HOOK2: variants seen among roughly 807,000 people sequenced by gnomAD.
The protein encoded by HOOK2 is protein Hook homolog 2.
HOOK2 carries 108 observed loss-of-function variants against 111.9 expected under a neutral mutation model. That is an observed-to-expected ratio of 0.96 (90% confidence interval 0.83 to 1.13). The LOEUF is 1.13. Ranked by LOEUF, HOOK2 falls within the 50% of genes most tolerant of loss-of-function variation. HOOK2 has a pLI of 0.00. For synonymous variants in HOOK2, 405 were observed against 394.3 expected, an observed-to-expected ratio of 1.03 and a Z score of -0.32; for missense variants, 978 against 951.3, an observed-to-expected ratio of 1.03 and a Z score of -0.37.
chr19:12,781,176 G>A (rs112771072), upstream of HOOK2, among the ~76,000 whole-genome samples: 2 of 141,410 alleles, frequency 1.4e-5, no homozygotes, highest in Non-Finnish European at 3.1e-5. Context: ...GGTGGCGGGC[G>A]CCTGTGGTCC....
Position 12,769,937 on chromosome 19 carries a change from C to A in HOOK2, c.1048G>T (p.Asp350Tyr). Residue 350 changes from aspartate to tyrosine, a missense_variant, in exon 11 of 23, where the codon GAT becomes TAT. Asp to Tyr is a radical substitution (Grantham distance 160). Around this residue, in one of 5 missense-constraint regions of HOOK2, gnomAD observed 388 missense variants for 358.3 expected, o/e 1.08. Transcript: ENST00000397668. ...GHAERTRQLE[D>Y]ELRRAGSLRA... Reference sequence around the variant, plus strand: ...AGGGAGCCCGCTCGGCGTAGCTCATCCTCCAGTTGTCGCGTGCGCTCGGCG... The same window carrying A: ...AGGGAGCCCGCTCGGCGTAGCTCATACTCCAGTTGTCGCGTGCGCTCGGCG... 6.4e-7 allele frequency: 1 copy of A among 1,557,962 alleles called. No homozygotes were observed.
rs1410593520 is a variant in HOOK2, at chr19:12,790,139, G to C, written n.42-15914C>G. ...GGCACCGCGGGCGGAACCATTGCTT[G>C]AGGGGAGAGGATGGTGGCTGGAGGC... On this transcript the variant is annotated intron_variant and non_coding_transcript_variant, in intron 3 of 3. Transcript: ENST00000589765. This position sits in a 1 kb window ranked among gnomAD's most constrained non-coding sequence, Gnocchi z 7.2. Among the ~76,000 whole-genome samples the C allele has an allele frequency of 6.6e-6, 1 of 152,164 alleles. No individual in the cohort carries two copies. The highest frequency in any genetic ancestry group is 2.4e-5 in the African/African-American group (1 of 41,440).
upstream of HOOK2, among the ~76,000 whole-genome samples, chr19:12,775,928 G>A (rs1411848138): frequency 5.5e-4 from 77 of 139,242 alleles, 1 homozygote; most frequent in African/African-American, 1.8e-3. Context: ...CCAGGCTGGA[G>A]TGCAGTGGCG....
At chr19:12,772,542 CA>C (rs1968368172) in intron 6 of HOOK2, 70 bp downstream of exon 6, 2 of 1,521,008 alleles carry the variant, frequency 1.3e-6, no homozygotes, top group South Asian at 2.3e-5. Flanking sequence ...GACCTGTGCC[CA>C]GTTCTCTCTG....
Position 12,772,794 on chromosome 19 carries a change from C to A in HOOK2, c.374G>T (p.Cys125Phe), listed in dbSNP as rs759326945. The A allele has an allele frequency of 4.3e-6, 7 of 1,614,174 alleles. No individual in the cohort carries two copies. The Admixed American group carries it at 8.3e-5, about 19-fold the overall frequency. Residue 125 changes from cysteine to phenylalanine, a missense_variant, in exon 5 of 23, where the codon TGC becomes TTC. By Grantham distance (205) the Cys-to-Phe change is radical (BLOSUM62 -2). Coordinates refer to ENST00000397668, the MANE Select transcript of HOOK2 (RefSeq NM_013312.3). ...LQLVLGCAIS[C>F]EKKQDHIQRI... Reference sequence around the variant, plus strand: ...GCTCCCCATACCCTGCTTTTTCTCGCAACTGATGGCACAGCCCAGCACCAG... The same window carrying A: ...GCTCCCCATACCCTGCTTTTTCTCGAAACTGATGGCACAGCCCAGCACCAG...
At chr19:12,779,625 G>A (rs1968576976), upstream of HOOK2, among the ~76,000 whole-genome samples, 1 of 152,156 alleles carries the variant, frequency 6.6e-6, no homozygotes, top group Non-Finnish European at 1.5e-5. Flanking sequence ...TAAAGTGCTG[G>A]GATTTCAGGC....
intron 22 of HOOK2, 27 bp downstream of exon 22, chr19:12,763,501 A>G: frequency 6.2e-7 from 1 of 1,614,016 alleles, no homozygotes; most frequent in South Asian, 1.1e-5. Flanking sequence ...TACCCATGAG[A>G]TCTTAGAGCC....
chr19:12,780,333 G>C (rs1181770045), upstream of HOOK2, among the ~76,000 whole-genome samples: 1 of 152,020 alleles, frequency 6.6e-6, no homozygotes, highest in East Asian at 1.9e-4. Context: ...ACCTCACTTT[G>C]GGTCTATATC....
Position 12,769,909 on chromosome 19 carries a change from C to G in HOOK2, c.1076G>C (p.Arg359Pro). The part of the protein sequence containing the change: ...EDELRRAGSL[R>P]AQLEAQRRQV... ...CCGCCGCTGCGCCTCCAGCTGGGCG[C>G]GCAGGGAGCCCGCTCGGCGTAGCTC... The change falls in exon 11 of 23, where the codon CGC (arginine) becomes CCC (proline). Residue 359 changes from arginine to proline, a missense_variant. By Grantham distance (103) the Arg-to-Pro change is moderately radical. Coordinates refer to ENST00000397668, the MANE Select transcript of HOOK2 (RefSeq NM_013312.3). 6.6e-7 allele frequency: 1 copy of G among 1,516,580 alleles called. No individual in the cohort carries two copies. The highest frequency in any genetic ancestry group is 1.2e-5 in the South Asian group (1 of 81,288). 93.9% of individuals were successfully genotyped at this position (1,516,580 alleles called of 1,614,324 possible).
chr19:12,771,699 G>A, intron 7 of HOOK2: 2 of 554,056 alleles, frequency 3.6e-6, no homozygotes, highest in South Asian at 2.1e-5. Context: ...CCTGCCCAAC[G>A]TGGCGAACCC....
rs2145803581 is a variant in HOOK2, at chr19:12,790,285, C to G, written n.42-16060G>C. Among the ~76,000 whole-genome samples, 1 of 152,298 alleles carries G rather than the reference C, an allele frequency of 6.6e-6. No individual in the cohort carries two copies. Among genetic ancestry groups the G allele is most frequent in the African/African-American group, 2.4e-5 (1 of 41,578 alleles). ...GCGGGGCGCACGGTCCCGTAGGATC[C>G]GAGTGACGGAGACAGGGCCGGGCTC... On this transcript the variant is annotated intron_variant and non_coding_transcript_variant, in intron 3 of 3. Transcript: ENST00000589765. This position sits in a 1 kb window ranked among gnomAD's most constrained non-coding sequence, Gnocchi z 7.2.
In HOOK2 at chr19:12,772,812, A is replaced by G; in HGVS notation, c.356T>C (p.Leu119Pro). The G allele has an allele frequency of 6.2e-7, 1 of 1,614,230 alleles. No homozygotes were observed. The highest frequency in any genetic ancestry group is 8.5e-7 in the Non-Finnish European group (1 of 1,180,038). The change falls in exon 5 of 23, where the codon CTG (leucine) becomes CCG (proline). Residue 119 changes from leucine (L) to proline (P), a missense_variant. Transcript: ENST00000397668. ...AELGKLLQLV[L>P]GCAISCEKKQ... ...TTTCTCGCAACTGATGGCACAGCCC[A>G]GCACCAGCTGAAGCAGCTTGCCGAG...
intron 3 of HOOK2, 99 bp downstream of exon 3, chr19:12,774,570 G>T: frequency 9.1e-7 from 1 of 1,102,974 alleles, no homozygotes; most frequent in Non-Finnish European, 1.4e-6. Context: ...CCAGACATCT[G>T]TCCCTCTTCC....
chr19:12,771,398 T>A lies in HOOK2; in HGVS notation c.599A>T (p.Gln200Leu), dbSNP rs1968324462. Reference sequence around the variant, plus strand: ...ACCCTGCCCCACCTAGGGCCCTACCTGCCGCTCCAGATCCAGACAGCGCTG... The same window carrying A: ...ACCCTGCCCCACCTAGGGCCCTACCAGCCGCTCCAGATCCAGACAGCGCTG... Reference protein sequence around the residue: ...LQQRCLDLERQLMLLSEEKQS... With the variant: ...LQQRCLDLERLLMLLSEEKQS... Residue 200 changes from glutamine (Q) to leucine (L), a missense_variant and splice_region_variant, in exon 8 of 23, where the codon CAG becomes CTG. Physicochemically the swap from Gln to Leu is moderately radical, Grantham distance 113 (BLOSUM62 -2). Coordinates refer to ENST00000397668, the MANE Select transcript of HOOK2 (RefSeq NM_013312.3). 1 of 1,613,266 alleles carries A rather than the reference T, an allele frequency of 6.2e-7. No individual in the cohort carries two copies. The highest frequency in any genetic ancestry group is 1.1e-5 in the South Asian group (1 of 90,802).
rs1192906399 is a variant in HOOK2 at position 12,774,321 on chromosome 19, G to C, written c.204+348C>G. ...GGGTTTCAACTTGTTGGCCAGGCTG[G>C]TCTTGAACTCCTGGCCCCAGGTGAT... On this transcript the variant is annotated intron_variant, in intron 3 of 22. Coordinates refer to ENST00000397668, the MANE Select transcript of HOOK2 (RefSeq NM_013312.3). The C allele has an allele frequency of 1.7e-5, 6 of 343,896 alleles. No homozygotes were observed. The East Asian group carries it at 3.2e-4, about 18-fold the overall frequency. The allele number at this position is 343,896 out of a possible 1,614,324, so 21.3% of individuals were successfully genotyped here. A position where few individuals can be genotyped will look rare whatever the true frequency, so the allele number is the denominator to read the frequency against.
chr19:12,784,759 G>A (rs1906563485), intron 3 of HOOK2: 1 of 152,276 alleles, frequency 6.6e-6, no homozygotes, highest in African/African-American at 2.4e-5. Context: ...TGCACTATCA[G>A]ATCCTGACAC....
chr19:12,768,957 C>T (rs1455383615), intron 11 of HOOK2, among the ~76,000 whole-genome samples: 1 of 150,142 alleles, frequency 6.7e-6, no homozygotes, highest in East Asian at 1.9e-4. Context: ...GCCACCAGCC[C>T]GGCTAATTTT....
chr19:12,767,420 C>A lies in HOOK2; in HGVS notation c.1348G>T (p.Ala450Ser), dbSNP rs1455714684. The part of the protein sequence containing the change: ...PTSTPVDNLA[A>S]EILPAELRET... ...CTGAGCTCCGCAGGCAGGATCTCTG[C>A]GGCTAAGTTATCCACGGGTGTGGAG... Residue 450 changes from alanine (A) to serine (S), a missense_variant, in exon 14 of 23, where the codon GCA becomes TCA. Transcript: ENST00000397668. 6.2e-7 allele frequency: 1 copy of A among 1,613,968 alleles called. No individual in the cohort carries two copies. The highest frequency in any genetic ancestry group is 2.2e-5 in the East Asian group (1 of 44,880).
chr19:12,771,372 G>T (rs986398588), intron 8 of HOOK2, 25 bp downstream of exon 8: 2 of 1,610,258 alleles, frequency 1.2e-6, no homozygotes, highest in Non-Finnish European at 1.7e-6. Context: ...CTACTCAAGT[G>T]ACCCTGCCCC....
Sources: gnomAD v4.1 joint callset for allele counts (sites outside exome capture counted in the v4.1 genomes callset) on GRCh38, gnomAD v4.1.1 for gene constraint, gnomAD v4.1.1 regional missense constraint, Gnocchi (gnomAD v3.1) non-coding constraint, MANE v1.5 for transcripts, NCBI Gene and HGNC (gene_info 2026-07-23, HGNC 2026-07-21) for gene names.